GAD1: variants seen among roughly 807,000 people sequenced by gnomAD.
The protein encoded by GAD1 is glutamate decarboxylase 1.
In GAD1, 35 loss-of-function variants were observed where a neutral mutation model predicts 75.2. The observed-to-expected ratio is 0.47, with a 90% CI of 0.36 to 0.62. GAD1 has a LOEUF of 0.62. Among genes scored for constraint, GAD1 ranks in the 20% least tolerant of loss-of-function variants. The pLI is 0.00. For synonymous variants in GAD1, 257 were observed against 271.9 expected, an observed-to-expected ratio of 0.95 and a Z score of 0.54; for missense variants, 490 against 758.5, an observed-to-expected ratio of 0.65 and a Z score of 4.16.
intron 10 of GAD1, 92 bp downstream of exon 10, chr2:170,846,155 T>C: frequency 1.9e-6 from 2 of 1,048,706 alleles, no homozygotes; most frequent in South Asian, 2.7e-5. Flanking sequence ...GAGACAATTT[T>C]CTTGTGCTTC....
At chr2:170,814,761 G>T (rs1477849996), upstream of GAD1, among the ~76,000 whole-genome samples, 2 of 152,224 alleles carry the variant, frequency 1.3e-5, no homozygotes, top group East Asian at 3.8e-4. Flanking sequence ...AAGCTGGACG[G>T]ACTCAGCTTC....
intron 3 of GAD1, among the ~76,000 whole-genome samples, chr2:170,827,603 A>G (rs1359782736): frequency 6.6e-6 from 1 of 151,954 alleles, no homozygotes; most frequent in Non-Finnish European, 1.5e-5. Context: ...AGAACTTTCC[A>G]CTCACTCCGA....
chr2:170,813,422 G>C (rs1701644841), upstream of GAD1: 1 of 152,158 alleles, frequency 6.6e-6, no homozygotes. Context: ...ACGTTTAACC[G>C]GTGAGCACTG....
Position 170,845,762 on chromosome 2 carries a change from G to A in GAD1, c.924G>A (p.Val308=). 6.2e-7 allele frequency: 1 copy of A among 1,614,106 alleles called. No homozygotes were observed. Among genetic ancestry groups the A allele is most frequent in the Non-Finnish European group, 8.5e-7 (1 of 1,180,008 alleles). The change falls in exon 9 of 17, where the codon GTG becomes GTA. Residue 308 remains valine (V), a synonymous_variant. Coordinates refer to ENST00000358196, the MANE Select transcript of GAD1 (RefSeq NM_000817.3). ...CACTTGGCTTTGGAACTGACAATGTGATTTTGATAAAGTGCAATGAAAGGT... is the reference window on the plus strand; with the variant it reads ...CACTTGGCTTTGGAACTGACAATGTAATTTTGATAAAGTGCAATGAAAGGT... ...GAALGFGTDN[V]ILIKCNERGK...
intron 6 of GAD1, among the ~76,000 whole-genome samples, chr2:170,840,713 T>TA (rs945847781): frequency 2.8e-5 from 4 of 144,926 alleles, no homozygotes; most frequent in African/African-American, 5.1e-5. Flanking sequence ...CCTCTTTGAT[T>TA]AAAAAAAAAT....
At chr2:170,819,614 T>C (rs1351919855) in intron 2 of GAD1, among the ~76,000 whole-genome samples, 1 of 152,198 alleles carries the variant, frequency 6.6e-6, no homozygotes, top group East Asian at 1.9e-4. Flanking sequence ...TTTTCCTTGT[T>C]GGAGTGAAGA....
Position 170,818,405 on chromosome 2 carries a change from T to C in GAD1, c.-63-124T>C, listed in dbSNP as rs1701770398. The C allele has an allele frequency of 1.6e-6, 1 of 642,064 alleles. No homozygotes were observed. Among genetic ancestry groups the C allele is most frequent in the Admixed American group, 2.5e-5 (1 of 40,262 alleles). 39.8% of individuals were successfully genotyped at this position (642,064 alleles called of 1,614,324 possible). On this transcript the variant is annotated intron_variant, in intron 1 of 16. Transcript: ENST00000358196. This position sits in a 1 kb window ranked among gnomAD's most constrained non-coding sequence, Gnocchi z 5.9. ...CCCTACCAGGCAGGCTCGCTGCCTT[T>C]CCTCCCTCTTGTCTCTCCAGAGCCG... is the stretch of plus-strand genomic sequence containing the variant.
chr2:170,856,536 G>A (rs2105812995), intron 14 of GAD1, among the ~76,000 whole-genome samples: 1 of 152,276 alleles, frequency 6.6e-6, no homozygotes, highest in South Asian at 2.1e-4. Flanking sequence ...ACCTATCATG[G>A]ACCAATACCC....
At chr2:170,836,611 T>C (rs1167974857) in intron 5 of GAD1, among the ~76,000 whole-genome samples, 182 bp from the exon 6 acceptor site, 1 of 152,216 alleles carries the variant, frequency 6.6e-6, no homozygotes, top group Non-Finnish European at 1.5e-5. Flanking sequence ...ACATTATGAA[T>C]GTTAATGTTG....
At chr2:170,857,558 C>A (rs1021521588) in intron 15 of GAD1, among the ~76,000 whole-genome samples, 10 of 152,082 alleles carry the variant, frequency 6.6e-5, no homozygotes, top group African/African-American at 2.2e-4. Context: ...CCAGCCTGGG[C>A]AACATAGCAA....
chr2:170,852,668 C>A, intron 12 of GAD1, 46 bp from the exon 13 acceptor site: 1 of 1,544,942 alleles, frequency 6.5e-7, no homozygotes, highest in Non-Finnish European at 9.0e-7. Flanking sequence ...ACAGTTGCGT[C>A]TTTCCAACTC....
chr2:170,859,752 C>A lies in GAD1; in HGVS notation c.1655C>A (p.Thr552Asn). ...IKALMMESGT[T>N]MVGYQPQGDK... is the part of the protein sequence containing the mutation. ...GCCCTGATGATGGAGTCAGGTACGA[C>A]CATGGTTGGCTACCAGCCCCAAGGG... The change falls in exon 17 of 17, where the codon ACC becomes AAC. Residue 552 changes from threonine (T) to asparagine (N), a missense_variant. Thr to Asn is a moderately conservative substitution (Grantham distance 65, BLOSUM62 0). Transcript: ENST00000358196. 6.2e-7 allele frequency: 1 copy of A among 1,614,200 alleles called. No homozygotes were observed. The highest frequency in any genetic ancestry group is 8.5e-7 in the Non-Finnish European group (1 of 1,180,032).
intron 6 of GAD1, among the ~76,000 whole-genome samples, chr2:170,837,521 TATAGC>T (rs1297702801): frequency 6.6e-6 from 1 of 152,208 alleles, no homozygotes; most frequent in Non-Finnish European, 1.5e-5. Flanking sequence ...TGGGTAGTCT[TATAGC>T]AATCATCCCA....
chr2:170,818,803 C>A lies in GAD1; in HGVS notation c.82+130C>A. ...AATGGAGGCTGGGAAATAAATGGGG[C>A]TCTGACCCCGTCCCTGCCAGAGGTC... On this transcript the variant is annotated intron_variant, in intron 2 of 16. Coordinates refer to ENST00000358196, the MANE Select transcript of GAD1 (RefSeq NM_000817.3). This position sits in a 1 kb window ranked among gnomAD's most constrained non-coding sequence, Gnocchi z 5.9. The A allele has an allele frequency of 1.1e-6, 1 of 888,460 alleles. No individual in the cohort carries two copies. The highest frequency in any genetic ancestry group is 1.9e-6 in the Non-Finnish European group (1 of 539,776). 55.0% of individuals were successfully genotyped at this position (888,460 alleles called of 1,614,324 possible).
intron 6 of GAD1, chr2:170,842,666 C>G: frequency 6.2e-7 from 1 of 1,613,820 alleles, no homozygotes. Flanking sequence ...TAACTGCACA[C>G]ATGGTTTCCA....
chr2:170,850,711 A>C (rs1037282579), intron 12 of GAD1, among the ~76,000 whole-genome samples: 1 of 152,196 alleles, frequency 6.6e-6, no homozygotes, highest in African/African-American at 2.4e-5. Flanking sequence ...ACAACCCCGT[A>C]ACTCGGAGGA....
intron 14 of GAD1, among the ~76,000 whole-genome samples, chr2:170,854,262 T>C (rs1181319167): frequency 6.6e-6 from 1 of 152,176 alleles, no homozygotes; most frequent in African/African-American, 2.4e-5. Context: ...AACGTTCTCT[T>C]ATAACAACTA....
intron 12 of GAD1, among the ~76,000 whole-genome samples, chr2:170,852,217 A>T (rs1702756660): frequency 6.6e-6 from 1 of 152,180 alleles, no homozygotes; most frequent in African/African-American, 2.4e-5. Flanking sequence ...TACCTACCTT[A>T]TAGGGTTGTG....
At chr2:170,854,297 C>T (rs1401629463) in intron 14 of GAD1, among the ~76,000 whole-genome samples, 2 of 151,648 alleles carry the variant, frequency 1.3e-5, no homozygotes, top group African/African-American at 4.9e-5. Flanking sequence ...ATAAGGATTT[C>T]TGCAGCAATC....
Sources: gnomAD v4.1 joint callset for allele counts (sites outside exome capture counted in the v4.1 genomes callset) on GRCh38, gnomAD v4.1.1 for gene constraint, Gnocchi (gnomAD v3.1) non-coding constraint, MANE v1.5 for transcripts, NCBI Gene and HGNC (gene_info 2026-07-23, HGNC 2026-07-21) for gene names.